Variants in OPRM1 observed in about 807,000 individuals in gnomAD.
OPRM1 encodes opioid receptor mu 1.
In OPRM1, 27 loss-of-function variants were observed where a neutral mutation model predicts 31.8. The observed-to-expected ratio is 0.85, with a 90% CI of 0.63 to 1.17. The LOEUF is 1.17. Ranked by LOEUF, OPRM1 falls within the 50% of genes most tolerant of loss-of-function variation. The pLI, the probability that OPRM1 is intolerant of heterozygous loss-of-function variation, is 0.00. For synonymous variants in OPRM1, 196 were observed against 189.9 expected, an observed-to-expected ratio of 1.03 and a Z score of -0.26; for missense variants, 536 against 511.1, an observed-to-expected ratio of 1.05 and a Z score of -0.47.
intron 3 of OPRM1, among the ~76,000 whole-genome samples, chr6:154,207,330 T>A (rs1401454129): frequency 2.6e-5 from 4 of 152,254 alleles, no homozygotes; most frequent in Non-Finnish European, 4.4e-5. Flanking sequence ...AATCATTTTT[T>A]GAAATCTTGA....
chr6:154,225,529 T>A (rs1197209108), intron 3 of OPRM1, among the ~76,000 whole-genome samples: 1 of 152,180 alleles, frequency 6.6e-6, no homozygotes, highest in African/African-American at 2.4e-5. Flanking sequence ...ATATGAAATA[T>A]CCAGAAGTGG....
At chr6:154,072,156 G>A (rs1300748132) in intron 1 of OPRM1, among the ~76,000 whole-genome samples, 1 of 152,174 alleles carries the variant, frequency 6.6e-6, no homozygotes, top group Non-Finnish European at 1.5e-5. Context: ...AGCTGGGAAG[G>A]TATGGTTTAT....
At chr6:154,071,466 A>G (rs1422854896) in intron 1 of OPRM1, among the ~76,000 whole-genome samples, 1 of 152,184 alleles carries the variant, frequency 6.6e-6, no homozygotes, top group Non-Finnish European at 1.5e-5. Context: ...CTTGCTCATC[A>G]TGAAGCCTGA....
intron 3 of OPRM1, among the ~76,000 whole-genome samples, chr6:154,140,339 T>A (rs1009855932): frequency 2.6e-5 from 4 of 151,968 alleles, no homozygotes; most frequent in East Asian, 3.8e-4. Flanking sequence ...TTTATTTTTT[T>A]TTTTTTTTTG....
At chr6:154,224,339 C>A (rs187073505) in intron 3 of OPRM1, among the ~76,000 whole-genome samples, 5 of 152,314 alleles carry the variant, frequency 3.3e-5, no homozygotes, top group African/African-American at 1.2e-4. Flanking sequence ...GCATCCAACC[C>A]TATGCCCATC....
chr6:154,091,649 T>A, intron 3 of OPRM1, 177 bp downstream of exon 3: 1 of 1,409,374 alleles, frequency 7.1e-7, no homozygotes. Context: ...TTCTTTATAT[T>A]TGACTGTACA....
chr6:154,013,003 G>T (rs998997316), intron 1 of OPRM1, among the ~76,000 whole-genome samples: 1 of 151,992 alleles, frequency 6.6e-6, no homozygotes, highest in Non-Finnish European at 1.5e-5. Context: ...TGACGAATAG[G>T]GTTTCAACAT....
intron 1 of OPRM1, among the ~76,000 whole-genome samples, chr6:154,069,532 G>C (rs536286226): frequency 4.6e-5 from 7 of 152,094 alleles, no homozygotes; most frequent in South Asian, 2.1e-4. Flanking sequence ...CCACCGCGCC[G>C]AGCCCTGGCC....
At chr6:154,175,400 A>G (rs1218062528) in intron 3 of OPRM1, among the ~76,000 whole-genome samples, 1 of 145,400 alleles carries the variant, frequency 6.9e-6, no homozygotes, top group Non-Finnish European at 1.5e-5. Context: ...TTTTTTTTTG[A>G]AAAGATCAAC....
At chr6:154,039,897 C>T in intron 1 of OPRM1, 63 bp downstream of exon 1, 1 of 1,433,120 alleles carries the variant, frequency 7.0e-7, no homozygotes, top group Non-Finnish European at 9.4e-7. Context: ...CAAAGAGACA[C>T]CTAACTCCCA....
intron 3 of OPRM1, 89 bp from the exon 4 acceptor site, chr6:154,118,594 G>A (rs1797114893): frequency 8.0e-7 from 1 of 1,256,492 alleles, no homozygotes; most frequent in East Asian, 2.3e-5. Flanking sequence ...GGTCTTCAAT[G>A]CAGTTCTTAC....
In OPRM1 at chr6:154,120,244, G is replaced by A. The variant is rs17174963; in HGVS notation, c.*1523G>A. ...TGTATTTTTTCATCAATCTGACAAG[G>A]CACAAATATGTGCCAGATATACAAA... On this transcript the variant is annotated 3_prime_UTR_variant, in exon 4 of 4. Coordinates refer to ENST00000330432, the MANE Select transcript of OPRM1 (RefSeq NM_000914.5). Among the ~76,000 whole-genome samples the A allele has an allele frequency of 0.013, 1,969 of 152,152 alleles. 42 individuals are homozygous for A. The highest frequency in any genetic ancestry group is 0.046 in the African/African-American group (1,891 of 41,518).
intron 1 of OPRM1, among the ~76,000 whole-genome samples, chr6:154,054,637 A>T (rs1782874317): frequency 6.6e-6 from 1 of 152,254 alleles, no homozygotes. Context: ...AGTAAATTAA[A>T]TTATCTTGCA....
intron 1 of OPRM1, among the ~76,000 whole-genome samples, chr6:154,067,628 T>A (rs1433959883): frequency 6.6e-6 from 1 of 151,852 alleles, no homozygotes; most frequent in Non-Finnish European, 1.5e-5. Flanking sequence ...ATGTTTTCTG[T>A]TGTTGTTGGG....
intron 3 of OPRM1, among the ~76,000 whole-genome samples, chr6:154,116,682 T>C (rs562978733): frequency 6.6e-6 from 1 of 152,292 alleles, no homozygotes; most frequent in Non-Finnish European, 1.5e-5. Context: ...CAAACCTTAT[T>C]GTGGGACATG....
chr6:154,138,015 T>C (rs1583647310), intron 3 of OPRM1, among the ~76,000 whole-genome samples: 1 of 152,146 alleles, frequency 6.6e-6, no homozygotes. Context: ...TAAAAAGACA[T>C]AGTCTTCCCC....
At position 154,124,574 on chromosome 6, in the gene OPRM1, T is replaced by G. The variant is rs1368777333; in HGVS notation, c.*5853T>G. 6.6e-6 allele frequency among the ~76,000 whole-genome samples: 1 copy of G among 152,198 alleles called. No individual in the cohort carries two copies. Among genetic ancestry groups the G allele is most frequent in the Non-Finnish European group, 1.5e-5 (1 of 68,024 alleles). On this transcript the variant is annotated 3_prime_UTR_variant, in exon 4 of 4. Coordinates refer to ENST00000330432, the MANE Select transcript of OPRM1 (RefSeq NM_000914.5). ...CTCCTGTGACACATGGGGTGAGCCC[T>G]TCCTTTTTGTCTCAATCTCAAAAAA...
chr6:154,176,631 C>A (rs9371329), intron 3 of OPRM1, among the ~76,000 whole-genome samples: 7,468 of 152,176 alleles, frequency 0.049, 305 homozygotes, highest in South Asian at 0.19. Flanking sequence ...AGGACCTCCT[C>A]AAGGAGAACT....
intron 3 of OPRM1, among the ~76,000 whole-genome samples, chr6:154,197,988 A>T (rs1776756397): frequency 6.6e-6 from 1 of 152,236 alleles, no homozygotes; most frequent in Admixed American, 6.5e-5. Context: ...GATAGAGGTC[A>T]TCTAGTTCAA....
Sources: gnomAD v4.1 joint callset for allele counts (sites outside exome capture counted in the v4.1 genomes callset) on GRCh38, gnomAD v4.1.1 for gene constraint, MANE v1.5 for transcripts, NCBI Gene and HGNC (gene_info 2026-07-23, HGNC 2026-07-21) for gene names.